Variants in IL1RL2 observed in about 807,000 individuals in gnomAD.
The protein encoded by IL1RL2 is interleukin 1 receptor like 2, also known as interleukin-1 receptor-like 2.
A neutral mutation model predicts 66.8 loss-of-function variants in IL1RL2; 68 were observed. The ratio of observed to expected loss-of-function variants is 1.02; its 90% CI spans 0.84 to 1.25. The LOEUF (loss-of-function observed/expected upper bound fraction) is 1.25. Ranked by LOEUF, IL1RL2 falls within the 50% of genes most tolerant of loss-of-function variation. IL1RL2 has a pLI of 0.00. For missense variants in IL1RL2, 729 were observed against 709.3 expected, an observed-to-expected ratio of 1.03 and a Z score of -0.32; for synonymous variants, 305 against 264.6, an observed-to-expected ratio of 1.15 and a Z score of -1.48.
intron 3 of IL1RL2, among the ~76,000 whole-genome samples, chr2:102,189,749 C>CT (rs1264460867): frequency 6.6e-6 from 1 of 152,188 alleles, no homozygotes; most frequent in Non-Finnish European, 1.5e-5. Context: ...TCCGAAGTAG[C>CT]TGGGATTATA....
chr2:102,196,939 G>A (rs779802719), intron 4 of IL1RL2, among the ~76,000 whole-genome samples: 6 of 152,160 alleles, frequency 3.9e-5, no homozygotes, highest in Non-Finnish European at 8.8e-5. Context: ...CCTTCTGTGG[G>A]GCTATAGTGA....
intron 9 of IL1RL2, among the ~76,000 whole-genome samples, chr2:102,231,366 C>T (rs1290298816): frequency 2.6e-5 from 4 of 152,098 alleles, no homozygotes; most frequent in African/African-American, 7.2e-5. Flanking sequence ...GGCCTGGTGG[C>T]GGGCGCCTAT....
intron 6 of IL1RL2, 111 bp downstream of exon 6, chr2:102,212,285 C>A (rs1002491835): frequency 2.0e-5 from 15 of 742,956 alleles, no homozygotes; most frequent in Non-Finnish European, 2.9e-5. Context: ...CTATACACAC[C>A]CAGTTTCCAG....
chr2:102,234,869 C>T, intron 10 of IL1RL2, 28 bp from the exon 11 acceptor site: 2 of 1,593,662 alleles, frequency 1.3e-6, no homozygotes, highest in Non-Finnish European at 1.7e-6. Context: ...ATTGTGAGTT[C>T]TTCTGAGCCT....
intron 8 of IL1RL2, among the ~76,000 whole-genome samples, chr2:102,222,095 T>C (rs1442186524): frequency 6.6e-6 from 1 of 152,240 alleles, no homozygotes; most frequent in Non-Finnish European, 1.5e-5. Context: ...ATAGTCCTAA[T>C]AATACAATTT....
At chr2:102,187,208 C>G in intron 1 of IL1RL2, 122 bp downstream of exon 1, 1 of 1,219,316 alleles carries the variant, frequency 8.2e-7, no homozygotes, top group Non-Finnish European at 1.1e-6. Context: ...TCAGGCCCCC[C>G]AGGCCGGCCC....
chr2:102,216,733 T>C (rs1483526153), intron 6 of IL1RL2, among the ~76,000 whole-genome samples: 1 of 152,178 alleles, frequency 6.6e-6, no homozygotes, highest in Non-Finnish European at 1.5e-5. Flanking sequence ...CTTTTTATTG[T>C]GTATCTGCTG....
intron 3 of IL1RL2, among the ~76,000 whole-genome samples, chr2:102,190,852 C>T (rs1687167142): frequency 6.6e-6 from 1 of 152,166 alleles, no homozygotes; most frequent in Non-Finnish European, 1.5e-5. Flanking sequence ...GAAAAGTAAT[C>T]TTTAATAGAA....
chr2:102,228,976 G>A (rs1690888505), intron 9 of IL1RL2, among the ~76,000 whole-genome samples: 2 of 152,064 alleles, frequency 1.3e-5, no homozygotes, highest in Non-Finnish European at 1.5e-5. Context: ...CGTGTTTTGT[G>A]TGGCTTTTCT....
chr2:102,218,153 C>T (rs1385993559), intron 6 of IL1RL2, among the ~76,000 whole-genome samples: 1 of 152,116 alleles, frequency 6.6e-6, no homozygotes, highest in Non-Finnish European at 1.5e-5. Context: ...GAAGACATTG[C>T]TTCTGGGATT....
At chr2:102,190,639 G>C (rs543331779) in intron 3 of IL1RL2, among the ~76,000 whole-genome samples, 1 of 151,990 alleles carries the variant, frequency 6.6e-6, no homozygotes, top group East Asian at 1.9e-4. Context: ...GCTCTGCCTG[G>C]CTCCTTTCCA....
intron 11 of IL1RL2, among the ~76,000 whole-genome samples, chr2:102,238,784 T>G (rs530200347): frequency 2.0e-3 from 308 of 152,200 alleles, no homozygotes; most frequent in African/African-American, 6.9e-3. Context: ...AGTAGTAATA[T>G]TATTCTGGGA....
At chr2:102,187,712 G>A in intron 1 of IL1RL2, 144 bp from the exon 2 acceptor site, 1 of 712,918 alleles carries the variant, frequency 1.4e-6, no homozygotes, top group Admixed American at 2.2e-5. Context: ...GGAAACGTGG[G>A]GCCAAAGTCG....
chr2:102,212,275 C>A, intron 6 of IL1RL2, 101 bp downstream of exon 6: 2 of 817,160 alleles, frequency 2.4e-6, no homozygotes, highest in Non-Finnish European at 4.0e-6. Context: ...AAGATAAATC[C>A]TATACACACC....
At chr2:102,188,318 C>T (rs1686886223) in intron 2 of IL1RL2, among the ~76,000 whole-genome samples, 1 of 152,204 alleles carries the variant, frequency 6.6e-6, no homozygotes, top group Non-Finnish European at 1.5e-5. Context: ...GGCGCAGTGG[C>T]TCATGCCTGT....
chr2:102,225,968 C>T lies in IL1RL2; in HGVS notation c.1062C>T (p.Tyr354=), dbSNP rs1374697603. Residue 354 remains tyrosine, a synonymous_variant, in exon 9 of 12, where the codon TAC becomes TAT. Coordinates refer to ENST00000264257, the MANE Select transcript of IL1RL2 (RefSeq NM_003854.4). ...ALVAVAVSVV[Y]IYNIFKIDIV... is the part of the protein sequence containing the mutation. ...TGGCTGTGGCTGTGTCTGTTGTGTA[C>T]ATATACAACATTTTTAAGATCGACA... The T allele has an allele frequency of 6.2e-7, 1 of 1,609,382 alleles. No homozygotes were observed. The highest frequency in any genetic ancestry group is 8.5e-7 in the Non-Finnish European group (1 of 1,177,372).
chr2:102,202,654 T>C (rs752482938), intron 5 of IL1RL2, among the ~76,000 whole-genome samples: 5 of 152,174 alleles, frequency 3.3e-5, no homozygotes, highest in Non-Finnish European at 5.9e-5. Flanking sequence ...CTATTGTAAA[T>C]GGGATTACTT....
intron 1 of IL1RL2, 31 bp from the exon 2 acceptor site, chr2:102,187,825 C>T (rs779353498): frequency 3.2e-6 from 5 of 1,563,848 alleles, no homozygotes; most frequent in East Asian, 4.5e-5. Flanking sequence ...ACTGCGTCCT[C>T]CCCTCCCACC....
In IL1RL2 at chr2:102,211,805, G is replaced by A. The variant is rs919082484; in HGVS notation, c.650-295G>A. Among the ~76,000 whole-genome samples the A allele has an allele frequency of 1.3e-5, 2 of 152,298 alleles. 1 individual carries two copies. The highest frequency in any genetic ancestry group is 4.1e-4 in the South Asian group (2 of 4,828). ...CTGCAAAGTGTTTTTGGATTATTAA[G>A]TATTGAGATTTTATTATAAAAGCTT... On this transcript the variant is annotated intron_variant, in intron 5 of 11. Transcript: ENST00000264257.
Sources: allele counts gnomAD v4.1 joint callset (sites outside exome capture counted in the v4.1 genomes callset), GRCh38; gene constraint gnomAD v4.1.1; transcripts MANE v1.5; gene names NCBI Gene and HGNC (gene_info 2026-07-23, HGNC 2026-07-21).